Variants in FOXN1 observed in about 807,000 individuals in gnomAD.
FOXN1 encodes the protein forkhead box protein N1.
A neutral mutation model predicts 49.0 loss-of-function variants in FOXN1; 15 were observed. The ratio of observed to expected loss-of-function variants is 0.31; its 90% CI spans 0.20 to 0.47. The LOEUF (loss-of-function observed/expected upper bound fraction) is 0.47, where lower values mean the gene tolerates loss of function less well. FOXN1 is among the 20% of genes least tolerant of loss of function. The pLI is 1.00. For synonymous variants in FOXN1, 356 were observed against 369.0 expected (o/e 0.96, Z 0.40); for missense variants, 800 against 842.8 (o/e 0.95, Z 0.63).
intron 3 of FOXN1, 58 bp downstream of exon 3, chr17:28,525,025 CTAGA>C: frequency 7.4e-7 from 1 of 1,356,524 alleles, no homozygotes; most frequent in South Asian, 1.2e-5. Context: ...TCCTAGCAGC[CTAGA>C]AAGAGTCAGA....
At chr17:28,514,359 A>G (rs956203420) in intron 1 of FOXN1, among the ~76,000 whole-genome samples, 1 of 152,066 alleles carries the variant, frequency 6.6e-6, no homozygotes, top group African/African-American at 2.4e-5. Flanking sequence ...GTCAGATCTC[A>G]AGGCAGGGGC....
chr17:28,521,706 C>T (rs569862674), intron 1 of FOXN1, among the ~76,000 whole-genome samples: 157 of 152,380 alleles, frequency 1.0e-3, no homozygotes, highest in African/African-American at 3.5e-3. Flanking sequence ...CGGCTTCCAG[C>T]CCCTCCACCA....
At chr17:28,516,057 A>T (rs957349988) in intron 1 of FOXN1, among the ~76,000 whole-genome samples, 8 of 149,088 alleles carry the variant, frequency 5.4e-5, no homozygotes, top group African/African-American at 2.0e-4. Flanking sequence ...ACTCCACAGG[A>T]TACACACCTC....
At chr17:28,528,960 G>A in intron 4 of FOXN1, 134 bp from the exon 5 acceptor site, 9 of 1,139,138 alleles carry the variant, frequency 7.9e-6, no homozygotes, top group Non-Finnish European at 1.1e-5. Flanking sequence ...TGCTTTGGGG[G>A]TGATGGGGCC....
chr17:28,525,008 T>A (rs765180523), intron 3 of FOXN1, 41 bp downstream of exon 3: 20 of 1,454,580 alleles, frequency 1.4e-5, no homozygotes, highest in Non-Finnish European at 1.9e-6. Flanking sequence ...CTTCCCACTG[T>A]CCCAGTTCCT....
At chr17:28,521,792 C>T (rs747906292) in intron 1 of FOXN1, among the ~76,000 whole-genome samples, 19 of 152,192 alleles carry the variant, frequency 1.2e-4, no homozygotes, top group Non-Finnish European at 2.5e-4. Flanking sequence ...TCCCTGTTAC[C>T]CTGTCTGTCA....
rs147073952 is a variant in FOXN1 at position 28,537,301 on chromosome 17, C to A, written c.1812C>A (p.Gly604=). Residue 604 remains glycine (G), a synonymous_variant, in exon 9 of 9, where the codon GGC becomes GGA. Coordinates refer to ENST00000579795, the MANE Select transcript of FOXN1 (RefSeq NM_001369369.1). ...ACTTGGCAGCCCCGGGCAGTGGTGG[C>A]TCCGGGGCACTGGGTGACCTGCACC... ...AGDLAAPGSG[G]SGALGDLHLT... The A allele has an allele frequency of 2.2e-4, 349 of 1,613,640 alleles. No homozygotes were observed. The highest frequency in any genetic ancestry group is 2.8e-4 in the Non-Finnish European group (332 of 1,179,826).
At chr17:28,516,138 CAGGGTACACATCTCCACAGGATCCAT>C (rs2069493168) in intron 1 of FOXN1, among the ~76,000 whole-genome samples, 1 of 150,398 alleles carries the variant, frequency 6.6e-6, no homozygotes, top group East Asian at 2.0e-4. Flanking sequence ...CTTACATCCA[CAGGGTACACATCTCCACAGGATCCAT>C]ACCTCCACAG....
rs1478508718 is a variant in FOXN1 at position 28,507,227 on chromosome 17, A to G, written c.-15+784A>G. Among the ~76,000 whole-genome samples the G allele has an allele frequency of 3.3e-5, 5 of 152,270 alleles. No homozygotes were observed. The East Asian group carries it at 9.7e-4, about 29-fold the overall frequency. On this transcript the variant is annotated intron_variant, in intron 1 of 8. Coordinates refer to ENST00000579795, the MANE Select transcript of FOXN1 (RefSeq NM_001369369.1). ...TAGGGAAGTGGCCGAAGCAGCAGGA[A>G]GCCCCTGCCAGCTCCCCCGACTCCT...
intron 3 of FOXN1, among the ~76,000 whole-genome samples, chr17:28,525,345 A>G (rs747172988): frequency 1.3e-5 from 2 of 152,224 alleles, no homozygotes; most frequent in African/African-American, 4.8e-5. Context: ...GGGAGGAGCC[A>G]TAGTACACAG....
At chr17:28,514,924 C>T (rs548103474) in intron 1 of FOXN1, among the ~76,000 whole-genome samples, 4 of 152,220 alleles carry the variant, frequency 2.6e-5, no homozygotes, top group South Asian at 4.1e-4. Context: ...GAGGCTGAGG[C>T]GTTACCAAGG....
At chr17:28,512,527 C>T (rs1555607163) in intron 1 of FOXN1, among the ~76,000 whole-genome samples, 1 of 152,228 alleles carries the variant, frequency 6.6e-6, no homozygotes, top group African/African-American at 2.4e-5. Flanking sequence ...CACTTTTAGT[C>T]TCATATACTC....
chr17:28,514,979 C>G (rs1324337135), intron 1 of FOXN1, among the ~76,000 whole-genome samples: 1 of 152,092 alleles, frequency 6.6e-6, no homozygotes, highest in Non-Finnish European at 1.5e-5. Flanking sequence ...CTTTGAAGCC[C>G]GGGTTGGAAT....
intron 1 of FOXN1, among the ~76,000 whole-genome samples, chr17:28,517,766 CACCTCCACAGGATCCAT>C (rs2069553085): frequency 7.2e-6 from 1 of 139,132 alleles, no homozygotes; most frequent in African/African-American, 2.8e-5. Context: ...ACTGGGTACA[CACCTCCACAGGATCCAT>C]ACCTCCACAG....
intron 1 of FOXN1, among the ~76,000 whole-genome samples, chr17:28,518,292 C>T (rs1024638574): frequency 7.2e-5 from 11 of 152,230 alleles, no homozygotes; most frequent in East Asian, 1.9e-4. Flanking sequence ...GGTCCCAGGG[C>T]CTCGTTTGAC....
At chr17:28,528,040 C>T (rs1439077105) in intron 4 of FOXN1, among the ~76,000 whole-genome samples, 2 of 152,210 alleles carry the variant, frequency 1.3e-5, no homozygotes, top group African/African-American at 4.8e-5. Flanking sequence ...CAAGTGGCTG[C>T]CCAGCGCCCA....
chr17:28,531,819 C>T (rs1395983651), intron 6 of FOXN1, among the ~76,000 whole-genome samples: 2 of 152,144 alleles, frequency 1.3e-5, no homozygotes, highest in East Asian at 3.8e-4. Flanking sequence ...ATGGTCCTGC[C>T]TGGGGATAAT....
intron 1 of FOXN1, among the ~76,000 whole-genome samples, chr17:28,523,126 T>C (rs894934623): frequency 1.3e-5 from 2 of 152,186 alleles, no homozygotes; most frequent in Non-Finnish European, 2.9e-5. Context: ...GGTTCCCCTA[T>C]GATTGCAGAA....
At chr17:28,531,646 G>C (rs933600990) in intron 6 of FOXN1, among the ~76,000 whole-genome samples, 3 of 152,072 alleles carry the variant, frequency 2.0e-5, no homozygotes, top group African/African-American at 7.2e-5. Context: ...CTTCTCCTGG[G>C]ATGGGTATCA....
Sources: gnomAD v4.1 joint callset for allele counts (sites outside exome capture counted in the v4.1 genomes callset) on GRCh38, gnomAD v4.1.1 for gene constraint, MANE v1.5 for transcripts, NCBI Gene and HGNC (gene_info 2026-07-23, HGNC 2026-07-21) for gene names.